TBC1D15: variants seen among roughly 807,000 people sequenced by gnomAD.
TBC1D15 encodes the protein TBC1 domain family member 15, also known as GAP for RAB7.
A neutral mutation model predicts 95.4 loss-of-function variants in TBC1D15; 39 were observed. That is an observed-to-expected ratio of 0.41 (90% CI 0.32 to 0.53). The LOEUF (loss-of-function observed/expected upper bound fraction) is 0.53, where lower values mean the gene tolerates loss of function less well. TBC1D15 is among the 20% of genes least tolerant of loss of function. TBC1D15 has a pLI of 0.29. For missense variants in TBC1D15, 733 were observed against 794.3 expected (o/e 0.92, Z 0.93); for synonymous variants, 258 against 261.3 (o/e 0.99, Z 0.12).
chr12:71,840,091 G>A (rs1207565880), intron 1 of TBC1D15, among the ~76,000 whole-genome samples: 1 of 152,176 alleles, frequency 6.6e-6, no homozygotes, highest in African/African-American at 2.4e-5. Context: ...CTAAGGGACA[G>A]GTGGCTCTCT....
intron 10 of TBC1D15, among the ~76,000 whole-genome samples, chr12:71,901,265 TC>T (rs1356165898): frequency 6.4e-4 from 98 of 152,270 alleles, no homozygotes; most frequent in African/African-American, 2.2e-3. Flanking sequence ...CAAGCAATTC[TC>T]CCATCTCAGT....
At chr12:71,910,356 G>A (rs1035182191) in intron 11 of TBC1D15, among the ~76,000 whole-genome samples, 2 of 148,932 alleles carry the variant, frequency 1.3e-5, no homozygotes, top group African/African-American at 5.1e-5. Context: ...CTCTTTTTTG[G>A]TTCCATATGA....
At chr12:71,841,863 A>AATG (rs1396650529) in intron 1 of TBC1D15, among the ~76,000 whole-genome samples, 1 of 152,220 alleles carries the variant, frequency 6.6e-6, no homozygotes, top group South Asian at 2.1e-4. Flanking sequence ...TAATAATAAT[A>AATG]ATGAAAGCTG....
intron 1 of TBC1D15, among the ~76,000 whole-genome samples, chr12:71,865,929 G>A (rs76691066): frequency 1.3e-5 from 2 of 152,008 alleles, no homozygotes; most frequent in African/African-American, 4.8e-5. Flanking sequence ...TTGGGTACTG[G>A]GGTGTGTTAC....
chr12:71,871,921 C>G (rs1187881882), intron 1 of TBC1D15, 149 bp from the exon 2 acceptor site: 1 of 394,140 alleles, frequency 2.5e-6, no homozygotes, highest in African/African-American at 2.1e-5. Flanking sequence ...GCTGTTAACT[C>G]TGAGAGGTAT....
intron 12 of TBC1D15, 68 bp downstream of exon 12, chr12:71,913,994 G>A: frequency 1.7e-6 from 2 of 1,204,866 alleles, no homozygotes; most frequent in Non-Finnish European, 2.3e-6. Flanking sequence ...TATAGTATAA[G>A]GTTGATTTTT....
Position 71,896,059 on chromosome 12 carries a change from A to G in TBC1D15, c.968A>G (p.Gln323Arg). The G allele has an allele frequency of 6.2e-7, 1 of 1,610,072 alleles. No individual in the cohort carries two copies. Among genetic ancestry groups the G allele is most frequent in the Non-Finnish European group, 8.5e-7 (1 of 1,177,078 alleles). The change falls in exon 8 of 17, where the codon CAG becomes CGG. Residue 323 changes from glutamine to arginine, a missense_variant. Gln to Arg is a conservative substitution (Grantham distance 43). Transcript: ENST00000485960. ...ATTTTAAATGTAGATAATATGAAGC[A>G]GATGATATTTAGAGGGGTAATTTAA... is the stretch of plus-strand genomic sequence containing the variant. ...GRILNVDNMKQMIFRGGLSHA... is the reference protein window; with the variant it reads ...GRILNVDNMKRMIFRGGLSHA...
At chr12:71,872,818 T>G (rs1205212584) in intron 2 of TBC1D15, 111 bp from the exon 3 acceptor site, 15 of 689,572 alleles carry the variant, frequency 2.2e-5, no homozygotes, top group Non-Finnish European at 3.5e-5. Context: ...TTAGCATATT[T>G]AAAATGTAGA....
chr12:71,863,087 TCTG>T (rs1890726586), intron 1 of TBC1D15, among the ~76,000 whole-genome samples: 1 of 152,102 alleles, frequency 6.6e-6, no homozygotes, highest in Non-Finnish European at 1.5e-5. Context: ...TAAGGAAAAA[TCTG>T]CTTTTAGGCC....
Position 71,880,499 on chromosome 12 carries a change from G to T in TBC1D15, c.235G>T (p.Ala79Ser). The change falls in exon 4 of 17, where the codon GCC becomes TCC. Residue 79 changes from alanine to serine, a missense_variant. Ala to Ser is a moderately conservative substitution (Grantham distance 99, BLOSUM62 1). Transcript: ENST00000485960. Reference sequence around the variant, plus strand: ...CAGTTCAGTTGTAGAATGGACTCAGGCCCCAAAAGAAAGAGGTCATCGAGG... The same window carrying T: ...CAGTTCAGTTGTAGAATGGACTCAGTCCCCAAAAGAAAGAGGTCATCGAGG... Reference protein sequence around the residue: ...DSSSVVEWTQAPKERGHRGSE... With the variant: ...DSSSVVEWTQSPKERGHRGSE... The T allele has an allele frequency of 6.2e-7, 1 of 1,607,802 alleles. No homozygotes were observed. The highest frequency in any genetic ancestry group is 8.5e-7 in the Non-Finnish European group (1 of 1,176,276).
chr12:71,887,075 T>C (rs1254106867), intron 5 of TBC1D15, among the ~76,000 whole-genome samples: 3 of 152,160 alleles, frequency 2.0e-5, no homozygotes, highest in Admixed American at 6.5e-5. Flanking sequence ...AGGTAAGAGA[T>C]AGCAAACTAC....
chr12:71,863,770 T>C (rs1042301109), intron 1 of TBC1D15, among the ~76,000 whole-genome samples: 6 of 152,286 alleles, frequency 3.9e-5, no homozygotes, highest in East Asian at 1.9e-4. Flanking sequence ...TATTTTTAAA[T>C]TCAGAGATTC....
chr12:71,908,243 A>G (rs1308592120), intron 11 of TBC1D15, among the ~76,000 whole-genome samples: 2 of 152,200 alleles, frequency 1.3e-5, no homozygotes, highest in African/African-American at 4.8e-5. Flanking sequence ...TAAGGGGTAG[A>G]AAACTTAAGG....
intron 4 of TBC1D15, 115 bp downstream of exon 4, chr12:71,880,722 G>A: frequency 1.7e-6 from 2 of 1,187,906 alleles, no homozygotes; most frequent in Non-Finnish European, 2.3e-6. Flanking sequence ...AATTTCTTTG[G>A]TTAATAGGTA....
chr12:71,860,964 C>T (rs1028605876), intron 1 of TBC1D15, among the ~76,000 whole-genome samples: 2 of 152,038 alleles, frequency 1.3e-5, no homozygotes, highest in Non-Finnish European at 2.9e-5. Flanking sequence ...TTGAGATGAT[C>T]GTATGATTTT....
At chr12:71,910,038 A>C (rs1360791040) in intron 11 of TBC1D15, among the ~76,000 whole-genome samples, 1 of 152,056 alleles carries the variant, frequency 6.6e-6, no homozygotes. Flanking sequence ...TAATTTTTGT[A>C]TAAGGTGTAA....
chr12:71,853,156 A>G (rs1401066501), intron 1 of TBC1D15, among the ~76,000 whole-genome samples: 2 of 152,182 alleles, frequency 1.3e-5, no homozygotes, highest in East Asian at 3.8e-4. Context: ...GGAAACTTAC[A>G]ATCATGGCGG....
intron 5 of TBC1D15, among the ~76,000 whole-genome samples, chr12:71,892,394 C>G (rs2138660452): frequency 6.6e-6 from 1 of 152,050 alleles, no homozygotes; most frequent in South Asian, 2.1e-4. Flanking sequence ...AGGTGTATAG[C>G]AGCAAAATAA....
intron 12 of TBC1D15, among the ~76,000 whole-genome samples, chr12:71,916,241 C>T (rs1903676195): frequency 6.6e-6 from 1 of 152,154 alleles, no homozygotes; most frequent in African/African-American, 2.4e-5. Flanking sequence ...TCCCACTCTC[C>T]CTTCTCCAGG....
Sources: gnomAD v4.1 joint callset for allele counts (sites outside exome capture counted in the v4.1 genomes callset) on GRCh38, gnomAD v4.1.1 for gene constraint, MANE v1.5 for transcripts, NCBI Gene and HGNC (gene_info 2026-07-23, HGNC 2026-07-21) for gene names.